The following ATG10 variants were observed in gnomAD, a reference collection of about 807,000 sequenced individuals.
The protein encoded by ATG10 is ubiquitin-like-conjugating enzyme ATG10.
A neutral mutation model predicts 32.1 loss-of-function variants in ATG10; 30 were observed. The observed-to-expected ratio is 0.94, with a 90% CI of 0.70 to 1.27. The LOEUF (loss-of-function observed/expected upper bound fraction) is 1.27, where lower values mean the gene tolerates loss of function less well. Among genes scored for constraint, ATG10 ranks in the 50% most tolerant of loss-of-function variants. The pLI is 0.00. For synonymous variants in ATG10, 87 were observed against 91.5 expected, an observed-to-expected ratio of 0.95 and a Z score of 0.28; for missense variants, 233 against 262.3, an observed-to-expected ratio of 0.89 and a Z score of 0.77.
At chr5:82,234,345 C>T (rs1288572678) in intron 5 of ATG10, among the ~76,000 whole-genome samples, 1 of 152,106 alleles carries the variant, frequency 6.6e-6, no homozygotes, top group East Asian at 1.9e-4. Context: ...TTCCCACAGC[C>T]CTCAGCACTG....
intron 2 of ATG10, among the ~76,000 whole-genome samples, chr5:82,002,756 T>A (rs12520365): frequency 1.3e-5 from 2 of 151,888 alleles, no homozygotes; most frequent in South Asian, 4.2e-4. Flanking sequence ...TGCTATTTAC[T>A]TATATAAAAA....
At chr5:82,179,947 T>C (rs760102780) in intron 5 of ATG10, among the ~76,000 whole-genome samples, 8 of 152,154 alleles carry the variant, frequency 5.3e-5, no homozygotes, top group Non-Finnish European at 8.8e-5. Context: ...ATTAATCTTT[T>C]CTCTTCCCAC....
At chr5:82,077,578 T>G (rs1357429271) in intron 3 of ATG10, among the ~76,000 whole-genome samples, 1 of 152,098 alleles carries the variant, frequency 6.6e-6, no homozygotes, top group Non-Finnish European at 1.5e-5. Context: ...AAAATTTTTT[T>G]TTTTTCAGAA....
chr5:82,219,291 T>A (rs1158014369), intron 5 of ATG10, among the ~76,000 whole-genome samples: 1 of 152,188 alleles, frequency 6.6e-6, no homozygotes, highest in Non-Finnish European at 1.5e-5. Flanking sequence ...CACATTTGAG[T>A]TTATTTTCCA....
intron 2 of ATG10, among the ~76,000 whole-genome samples, chr5:82,051,911 A>G (rs1008567574): frequency 1.3e-5 from 2 of 152,128 alleles, no homozygotes; most frequent in African/African-American, 4.8e-5. Context: ...TTTTACCCCA[A>G]GGTTAATCAG....
At chr5:82,138,473 A>C (rs189288734) in intron 3 of ATG10, among the ~76,000 whole-genome samples, 1 of 152,146 alleles carries the variant, frequency 6.6e-6, no homozygotes, top group Non-Finnish European at 1.5e-5. Context: ...TTCCTTGGCT[A>C]GGGGAGTGAG....
intron 2 of ATG10, among the ~76,000 whole-genome samples, chr5:82,014,212 GT>G (rs1762211666): frequency 6.6e-6 from 1 of 152,168 alleles, no homozygotes. Context: ...TATAATTTGT[GT>G]TCTTTTACAT....
intron 3 of ATG10, among the ~76,000 whole-genome samples, chr5:82,069,356 A>G (rs1027969358): frequency 6.6e-6 from 1 of 152,182 alleles, no homozygotes; most frequent in Admixed American, 6.6e-5. Flanking sequence ...TCATTTTTAC[A>G]TAAAATCATT....
chr5:82,160,939 A>C (rs1168396388), intron 3 of ATG10, among the ~76,000 whole-genome samples: 1 of 152,204 alleles, frequency 6.6e-6, no homozygotes, highest in South Asian at 2.1e-4. Flanking sequence ...AGACTGAAAT[A>C]GAAAATATTG....
chr5:82,047,910 A>G (rs1022605750), intron 2 of ATG10, among the ~76,000 whole-genome samples: 1 of 152,162 alleles, frequency 6.6e-6, no homozygotes, highest in East Asian at 1.9e-4. Flanking sequence ...TGTAAGGAAG[A>G]GATCCAGTTT....
intron 2 of ATG10, among the ~76,000 whole-genome samples, chr5:82,033,349 T>G (rs1205593841): frequency 1.3e-5 from 2 of 151,828 alleles, no homozygotes; most frequent in Non-Finnish European, 2.9e-5. Flanking sequence ...CTTTTTTTTT[T>G]TTTTTGAGTC....
chr5:82,059,060 T>A (rs570367572), intron 3 of ATG10, among the ~76,000 whole-genome samples: 1 of 152,312 alleles, frequency 6.6e-6, no homozygotes, highest in South Asian at 2.1e-4. Context: ...CCTCTTTGCC[T>A]GCTCTGCCTT....
rs544573394 is a variant in ATG10 at position 82,052,698 on chromosome 5, A to G, written c.109-5797A>G. ...CTTTCCGGATATATTCAGTGTACAC[A>G]TAGCCTGTACAGTTACATTTAAACA... On this transcript the variant is annotated intron_variant, in intron 2 of 7. Transcript: ENST00000282185. 2.0e-4 allele frequency among the ~76,000 whole-genome samples: 31 copies of G among 152,282 alleles called. No homozygotes were observed. The South Asian group carries it at 3.3e-3, about 16-fold the overall frequency.
chr5:82,125,339 T>G (rs971573290), intron 3 of ATG10, among the ~76,000 whole-genome samples: 1 of 152,216 alleles, frequency 6.6e-6, no homozygotes, highest in Non-Finnish European at 1.5e-5. Context: ...GCTTTTGGTG[T>G]TTTAGTCATA....
chr5:82,173,999 A>C (rs568520160), intron 4 of ATG10, among the ~76,000 whole-genome samples: 19 of 152,314 alleles, frequency 1.2e-4, no homozygotes, highest in Non-Finnish European at 2.5e-4. Context: ...GCAGTTCTTT[A>C]TACATATATA....
chr5:82,204,516 G>T (rs1024573685), intron 5 of ATG10, among the ~76,000 whole-genome samples: 1 of 152,114 alleles, frequency 6.6e-6, no homozygotes, highest in Non-Finnish European at 1.5e-5. Context: ...AATTTAATGA[G>T]AAAACAAATT....
chr5:82,103,977 T>C (rs1033114721), intron 3 of ATG10, among the ~76,000 whole-genome samples: 14 of 152,176 alleles, frequency 9.2e-5, no homozygotes, highest in African/African-American at 3.4e-4. Flanking sequence ...TTCATGTCTG[T>C]CTTCTTTTGT....
chr5:81,974,847 A>G lies in ATG10; in HGVS notation c.-13+2541A>G, dbSNP rs1222542967. On this transcript the variant is annotated intron_variant, in intron 1 of 7. Transcript: ENST00000282185. ...CCAGATTCTCAATATCCCTCAATCT[A>G]TACTCTCCATTCAGGTTCTTTACTG... Among the ~76,000 whole-genome samples the G allele has an allele frequency of 5.3e-5, 8 of 152,126 alleles. No homozygotes were observed. In the East Asian group the frequency reaches 1.2e-3, roughly 22 times the overall value.
chr5:82,161,152 G>A (rs1743322842), intron 3 of ATG10, among the ~76,000 whole-genome samples: 1 of 152,190 alleles, frequency 6.6e-6, no homozygotes, highest in African/African-American at 2.4e-5. Context: ...GACCACAAAT[G>A]ATGGAAAGAT....
Sources: gnomAD v4.1 joint callset for allele counts (sites outside exome capture counted in the v4.1 genomes callset) on GRCh38, gnomAD v4.1.1 for gene constraint, MANE v1.5 for transcripts, NCBI Gene and HGNC (gene_info 2026-07-23, HGNC 2026-07-21) for gene names.